The following TTC39A variants were observed in gnomAD, a reference collection of about 807,000 sequenced individuals.
TTC39A encodes the protein tetratricopeptide repeat protein 39A.
A neutral mutation model predicts 82.3 loss-of-function variants in TTC39A; 46 were observed. The ratio of observed to expected loss-of-function variants is 0.56; its 90% CI spans 0.44 to 0.71. The LOEUF is 0.71. Among genes scored for constraint, TTC39A ranks in the 30% least tolerant of loss-of-function variants. The pLI, the probability that TTC39A is intolerant of heterozygous loss-of-function variation, is 0.00. For missense variants in TTC39A, 543 were observed against 712.9 expected, an observed-to-expected ratio of 0.76 and a Z score of 2.71; for synonymous variants, 254 against 275.2, an observed-to-expected ratio of 0.92 and a Z score of 0.76.
chr1:51,302,320 G>A, intron 11 of TTC39A, 37 bp downstream of exon 11: 2 of 1,576,096 alleles, frequency 1.3e-6, no homozygotes, highest in South Asian at 1.2e-5. Context: ...GAGACCCCGA[G>A]GGATCCCCAG....
At position 51,288,762 on chromosome 1, in the gene TTC39A, G is replaced by A. The variant is rs1441199177; in HGVS notation, c.1610+77C>T. Reference sequence around the variant, plus strand: ...TAGCAACTCCACTCACTGCTCTCTGGGCAACTCTGTCCCCAGCCAGCTCCT... The same window carrying A: ...TAGCAACTCCACTCACTGCTCTCTGAGCAACTCTGTCCCCAGCCAGCTCCT... On this transcript the variant is annotated intron_variant, in intron 17 of 17. Coordinates refer to ENST00000680483, the MANE Select transcript of TTC39A (RefSeq NM_001297663.2). This position sits in a 1 kb window ranked among gnomAD's most constrained non-coding sequence, Gnocchi z 4.8. The A allele has an allele frequency of 7.2e-7, 1 of 1,395,080 alleles. No homozygotes were observed. Among genetic ancestry groups the A allele is most frequent in the Non-Finnish European group, 9.9e-7 (1 of 1,009,744 alleles). The allele number at this position is 1,395,080 out of a possible 1,614,324, so 86.4% of individuals were successfully genotyped here.
At position 51,294,289 on chromosome 1, in the gene TTC39A, T is replaced by C. The variant is rs1051562830; in HGVS notation, c.1266+102A>G. 1.9e-6 allele frequency: 3 copies of C among 1,564,136 alleles called. No individual in the cohort carries two copies. The highest frequency in any genetic ancestry group is 3.5e-5 in the Admixed American group (2 of 56,634). On this transcript the variant is annotated intron_variant, in intron 14 of 17. Transcript: ENST00000680483. The surrounding 1 kb of genome is among the most constrained non-coding windows in gnomAD (Gnocchi z 4.3). Reference sequence around the variant, plus strand: ...AAACCCTCCCCAGGCCCCTGAGGCATGAAGGTCTTTCTCCTCATCCACCTC... The same window carrying C: ...AAACCCTCCCCAGGCCCCTGAGGCACGAAGGTCTTTCTCCTCATCCACCTC...
At chr1:51,338,245 T>G (rs1159943622) in intron 1 of TTC39A, among the ~76,000 whole-genome samples, 1 of 152,190 alleles carries the variant, frequency 6.6e-6, no homozygotes, top group African/African-American at 2.4e-5. Context: ...ATAGGATATT[T>G]GACTCTGAAT....
upstream of TTC39A, chr1:51,330,613 C>T (rs888496513): frequency 1.0e-5 from 10 of 982,836 alleles, no homozygotes; most frequent in South Asian, 1.4e-4. This position sits in a 1 kb window ranked among gnomAD's most constrained non-coding sequence, Gnocchi z 4.5. Flanking sequence ...GCGGGGAAGG[C>T]GGCGGGGCCG....
chr1:51,337,312 G>A (rs1645986489), intron 1 of TTC39A, among the ~76,000 whole-genome samples: 1 of 152,014 alleles, frequency 6.6e-6, no homozygotes, highest in Non-Finnish European at 1.5e-5. Flanking sequence ...CTTTGGACTT[G>A]CTATTCCGTC....
chr1:51,343,030 G>T (rs928564289), intron 1 of TTC39A: 1 of 456,226 alleles, frequency 2.2e-6, no homozygotes, highest in Non-Finnish European at 4.4e-6. Context: ...AAGGCTCCCT[G>T]GTGCCCACAG....
Position 51,309,323 on chromosome 1 carries a change from G to A in TTC39A, c.426C>T (p.Asp142=), listed in dbSNP as rs770724466. The part of the protein sequence containing the change: ...LQRAALTFLQ[D]ENMVSFIKGG... ...CTTTGATGAAGCTCACCATGTTCTC[G>A]TCCTGCAGGAGGAAAAGATGCTGAC... The change falls in exon 6 of 18, where the codon GAC becomes GAT. Residue 142 remains aspartate, a splice_region_variant and synonymous_variant. Transcript: ENST00000680483. The A allele has an allele frequency of 3.1e-5, 50 of 1,612,806 alleles. No individual in the cohort carries two copies. The Middle Eastern group carries it at 4.9e-4, about 16-fold the overall frequency.
At chr1:51,292,572 A>G (rs1261997015) in intron 14 of TTC39A, among the ~76,000 whole-genome samples, 1 of 152,180 alleles carries the variant, frequency 6.6e-6, no homozygotes, top group Non-Finnish European at 1.5e-5. Context: ...CTGGGACTAC[A>G]GATGCAGGAC....
intron 1 of TTC39A, among the ~76,000 whole-genome samples, chr1:51,340,351 C>A (rs372739065): frequency 6.6e-6 from 1 of 152,048 alleles, no homozygotes; most frequent in East Asian, 1.9e-4. Flanking sequence ...CCGAGAGGGT[C>A]CATGAGGGAC....
intron 14 of TTC39A, among the ~76,000 whole-genome samples, chr1:51,292,417 G>A (rs548095355): frequency 2.8e-4 from 43 of 152,140 alleles, no homozygotes; most frequent in Admixed American, 1.7e-3. Flanking sequence ...TCCCAAGTTA[G>A]CAAATGTTTC....
chr1:51,320,744 C>G (rs768958138), intron 2 of TTC39A, among the ~76,000 whole-genome samples: 35 of 151,784 alleles, frequency 2.3e-4, no homozygotes, highest in Admixed American at 6.6e-4. Flanking sequence ...TGAGCCACCA[C>G]GCCTAGTTAA....
intron 1 of TTC39A, among the ~76,000 whole-genome samples, chr1:51,339,086 G>A (rs369092387): frequency 2.0e-5 from 3 of 152,154 alleles, no homozygotes; most frequent in East Asian, 3.8e-4. Flanking sequence ...TGAATTGAGC[G>A]GCTGCAGTGC....
At chr1:51,330,630 G>C (rs1161016472), upstream of TTC39A, 1 of 983,356 alleles carries the variant, frequency 1.0e-6, no homozygotes, top group Non-Finnish European at 1.2e-6. This position sits in a 1 kb window ranked among gnomAD's most constrained non-coding sequence, Gnocchi z 4.5. Context: ...GCCGGGCCGA[G>C]CCTCGGTCTC....
intron 1 of TTC39A, among the ~76,000 whole-genome samples, chr1:51,339,492 A>T (rs1360652399): frequency 6.6e-6 from 1 of 152,222 alleles, no homozygotes; most frequent in Non-Finnish European, 1.5e-5. Context: ...CTGGGAAAGA[A>T]GATGTTGGAA....
chr1:51,298,620 G>C (rs546785502), intron 12 of TTC39A: 2 of 152,332 alleles, frequency 1.3e-5, no homozygotes, highest in Admixed American at 1.3e-4. Flanking sequence ...TGGGACAAAA[G>C]AGCAGCTGTC....
chr1:51,295,032 C>T (rs541195400), intron 13 of TTC39A, among the ~76,000 whole-genome samples: 176 of 152,302 alleles, frequency 1.2e-3, no homozygotes, highest in Middle Eastern at 3.4e-3. Context: ...TGGGGCCTCA[C>T]CCACCAGCTC....
chr1:51,341,039 C>T (rs1179620620), intron 1 of TTC39A, among the ~76,000 whole-genome samples: 4 of 152,058 alleles, frequency 2.6e-5, no homozygotes, highest in Non-Finnish European at 5.9e-5. Context: ...GGCGTGGTGG[C>T]GCATGACTAT....
At chr1:51,308,911 A>G (rs528026160) in intron 6 of TTC39A, among the ~76,000 whole-genome samples, 2 of 152,312 alleles carry the variant, frequency 1.3e-5, no homozygotes, top group South Asian at 4.1e-4. Flanking sequence ...GGGCCTTAAC[A>G]GATGTGTAGG....
At position 51,309,335 on chromosome 1, in the gene TTC39A, G is replaced by A. The variant is rs773553016; in HGVS notation, c.424-10C>T. Reference sequence around the variant, plus strand: ...TCACCATGTTCTCGTCCTGCAGGAGGAAAAGATGCTGACGGCCTGGCCCAG... The same window carrying A: ...TCACCATGTTCTCGTCCTGCAGGAGAAAAAGATGCTGACGGCCTGGCCCAG... On this transcript the variant is annotated splice_polypyrimidine_tract_variant and intron_variant, in intron 5 of 17. Coordinates refer to ENST00000680483, the MANE Select transcript of TTC39A (RefSeq NM_001297663.2). 25 of 1,613,106 alleles carry A rather than the reference G, an allele frequency of 1.5e-5. No homozygotes were observed. The highest frequency in any genetic ancestry group is 2.0e-5 in the Non-Finnish European group (24 of 1,179,584).
Sources: gnomAD v4.1 joint callset for allele counts (sites outside exome capture counted in the v4.1 genomes callset) on GRCh38, gnomAD v4.1.1 for gene constraint, Gnocchi (gnomAD v3.1) non-coding constraint, MANE v1.5 for transcripts, NCBI Gene and HGNC (gene_info 2026-07-23, HGNC 2026-07-21) for gene names.